Variants in ABR observed in about 807,000 individuals in gnomAD.
ABR encodes the protein ABR activator of RhoGEF and GTPase.
Under a neutral mutation model 107.2 loss-of-function variants are expected in ABR, and 35 were observed. The ratio of observed to expected loss-of-function variants is 0.33; its 90% CI spans 0.25 to 0.43. The LOEUF is 0.43. ABR is among the 20% of genes least tolerant of loss of function. ABR has a pLI of 1.00. For synonymous variants in ABR, 498 were observed against 462.0 expected (o/e 1.08, Z -1.00); for missense variants, 815 against 1,115.2 (o/e 0.73, Z 3.83).
upstream of ABR, among the ~76,000 whole-genome samples, chr17:1,181,153 C>A (rs1030119806): frequency 1.3e-5 from 2 of 152,228 alleles, no homozygotes; most frequent in Non-Finnish European, 2.9e-5. Flanking sequence ...GTGTGGTCGG[C>A]ACCCGCAGAA....
In ABR at chr17:1,179,351, A is replaced by G. The variant is rs2042035903; in HGVS notation, c.61+316T>C. ...GAGGCTCGCGGAGGCCGGGTTCACA[A>G]CAGGTGGGAGGGGGGACGCAGCTCT... On this transcript the variant is annotated intron_variant, in intron 1 of 22. Transcript: ENST00000302538. This position sits in a 1 kb window ranked among gnomAD's most constrained non-coding sequence, Gnocchi z 4.9. 6.6e-6 allele frequency among the ~76,000 whole-genome samples: 1 copy of G among 151,868 alleles called. No homozygotes were observed. The highest frequency in any genetic ancestry group is 1.5e-5 in the Non-Finnish European group (1 of 67,922).
At chr17:1,030,481 G>A (rs538222768) in intron 16 of ABR, among the ~76,000 whole-genome samples, 51 of 152,354 alleles carry the variant, frequency 3.3e-4, no homozygotes, top group African/African-American at 1.2e-3. Flanking sequence ...GCTGGGGCCA[G>A]CAGGGCTCTG....
chr17:1,210,747 ACAAACT>A lies in ABR; in HGVS notation c.838+18040_838+18045del, dbSNP rs1428817998. Among the ~76,000 whole-genome samples, 1 of 152,190 alleles carries A rather than the reference ACAAACT, an allele frequency of 6.6e-6. No homozygotes were observed. The highest frequency in any genetic ancestry group is 1.5e-5 in the Non-Finnish European group (1 of 68,040). On this transcript the variant is annotated intron_variant, in intron 1 of 22. Coordinates refer to the ABR transcript ENST00000574139. The surrounding 1 kb of genome is among the most constrained non-coding windows in gnomAD (Gnocchi z 5.6). ...ACTGGCAACTCCTATCTACTCACAC[ACAAACT>A]CAAAAGGGCTTTTTCCTCCATGCTT...
intron 1 of ABR, among the ~76,000 whole-genome samples, chr17:1,201,822 G>T (rs1389985395): frequency 6.6e-6 from 1 of 152,016 alleles, no homozygotes. Context: ...GACAACAGGC[G>T]CCCACCACCA....
intron 16 of ABR, among the ~76,000 whole-genome samples, chr17:1,015,605 C>T (rs964250517): frequency 2.0e-5 from 3 of 151,730 alleles, no homozygotes; most frequent in African/African-American, 7.3e-5. Flanking sequence ...TACAGACACA[C>T]ACAACCACAC....
intron 5 of ABR, among the ~76,000 whole-genome samples, chr17:1,081,737 C>T (rs549029975): frequency 2.0e-5 from 3 of 152,294 alleles, no homozygotes; most frequent in South Asian, 2.1e-4. Context: ...CCACCACGCC[C>T]GGCTAATTTT....
intron 16 of ABR, among the ~76,000 whole-genome samples, chr17:1,024,989 C>T (rs1282620956): frequency 4.7e-5 from 7 of 148,962 alleles, no homozygotes; most frequent in African/African-American, 7.4e-5. Context: ...GGCGAGGTGG[C>T]GGGCGCCTGT....
rs2042660180 is a variant in ABR at position 1,200,954 on chromosome 17, C to G, written c.838+27839G>C. ...CTTGGGGTTGGCCAGGGACACCCAC[C>G]TGCCTCAGGAGGGGCTGTGTTAATG... On this transcript the variant is annotated intron_variant, in intron 1 of 22. Coordinates refer to the ABR transcript ENST00000574139. This position sits in a 1 kb window ranked among gnomAD's most constrained non-coding sequence, Gnocchi z 4.1. Among the ~76,000 whole-genome samples, 1 of 152,194 alleles carries G rather than the reference C, an allele frequency of 6.6e-6. No homozygotes were observed. Among genetic ancestry groups the G allele is most frequent in the Non-Finnish European group, 1.5e-5 (1 of 68,040 alleles).
upstream of ABR, among the ~76,000 whole-genome samples, chr17:1,187,687 C>T (rs572835031): frequency 7.0e-4 from 107 of 151,830 alleles, no homozygotes; most frequent in African/African-American, 2.5e-3. Flanking sequence ...GTCAGGAGTT[C>T]GAGACCAGCC....
intron 1 of ABR, among the ~76,000 whole-genome samples, chr17:1,144,800 G>A (rs1038399192): frequency 1.9e-4 from 29 of 152,066 alleles, no homozygotes; most frequent in African/African-American, 6.5e-4. Context: ...AGGCCGGGGC[G>A]GGCAGATCAC....
intron 1 of ABR, among the ~76,000 whole-genome samples, chr17:1,220,240 A>G (rs965964624): frequency 6.6e-6 from 1 of 151,664 alleles, no homozygotes; most frequent in Non-Finnish European, 1.5e-5. Flanking sequence ...GCAGTGAACC[A>G]AGATCACACC....
rs1399785643 is a variant in ABR, at chr17:1,003,531, A to AAAT, written c.*2546_*2548dup. 6.5e-6 allele frequency: 1 copy of AAAT among 152,694 alleles called. No homozygotes were observed. Among genetic ancestry groups the AAAT allele is most frequent in the East Asian group, 1.9e-4 (1 of 5,200 alleles). The allele number at this position is 152,694 out of a possible 1,614,324, so 9.5% of individuals were successfully genotyped here. On this transcript the variant is annotated 3_prime_UTR_variant, in exon 23 of 23. Coordinates refer to ENST00000302538, the MANE Select transcript of ABR (RefSeq NM_021962.5). ...CACACCACAGGGCTGAGTTTTGTGC[A>AAAT]AATGATGGGGCTTTGCATTTTTTAT...
chr17:1,012,093 G>T lies in ABR; in HGVS notation c.1962-108C>A, dbSNP rs67186058. 1.2e-5 allele frequency: 18 copies of T among 1,557,558 alleles called. No individual in the cohort carries two copies. In the African/African-American group the frequency reaches 1.3e-4, roughly 12 times the overall value. On this transcript the variant is annotated intron_variant, in intron 18 of 22. Transcript: ENST00000302538. ...CTGGAGAGCTTCTAGCATTTGGGATGGAGAGCTGGGGCGGGGGCAGGGGCA... is the reference window on the plus strand; with the variant it reads ...CTGGAGAGCTTCTAGCATTTGGGATTGAGAGCTGGGGCGGGGGCAGGGGCA...
At position 1,150,370 on chromosome 17, in the gene ABR, CT is replaced by C. The variant is rs2040742223; in HGVS notation, c.62-25004del. On this transcript the variant is annotated intron_variant, in intron 1 of 22. Transcript: ENST00000302538. The surrounding 1 kb of genome is among the most constrained non-coding windows in gnomAD (Gnocchi z 4.8). ...GTGTTCCGGGTGTGCTGAGCACTTG[CT>C]GTGTGCTGGGAGTTGCGGTAGACAC... Among the ~76,000 whole-genome samples the C allele has an allele frequency of 6.6e-6, 1 of 152,186 alleles. No individual in the cohort carries two copies. The highest frequency in any genetic ancestry group is 6.5e-5 in the Admixed American group (1 of 15,276).
At position 1,004,999 on chromosome 17, in the gene ABR, G is replaced by T; in HGVS notation, c.*1081C>A. The T allele has an allele frequency of 2.5e-6, 1 of 399,034 alleles. No homozygotes were observed. Among genetic ancestry groups the T allele is most frequent in the Non-Finnish European group, 4.4e-6 (1 of 226,226 alleles). 24.7% of individuals were successfully genotyped at this position (399,034 alleles called of 1,614,324 possible). The stretch of plus-strand genomic sequence containing the variant: ...CTGGACACCTGCTTCGGCCACATCA[G>T]TCACCCTCCAGGAAGCCTGGCCCCT... On this transcript the variant is annotated 3_prime_UTR_variant, in exon 23 of 23. Transcript: ENST00000302538.
intron 16 of ABR, among the ~76,000 whole-genome samples, chr17:1,019,411 C>T (rs575914913): frequency 1.3e-5 from 2 of 152,374 alleles, no homozygotes; most frequent in South Asian, 2.1e-4. Flanking sequence ...CTTTCCTAAG[C>T]TGTAAGCCCC....
chr17:1,099,371 C>T (rs933382080), intron 3 of ABR, among the ~76,000 whole-genome samples: 3 of 152,296 alleles, frequency 2.0e-5, no homozygotes, highest in Middle Eastern at 3.4e-3. Context: ...CCACGGCGCC[C>T]GGCCTGCACC....
chr17:1,035,052 G>A (rs960070116), intron 16 of ABR, among the ~76,000 whole-genome samples: 1 of 151,900 alleles, frequency 6.6e-6, no homozygotes, highest in African/African-American at 2.4e-5. Flanking sequence ...CCCCTGAGAC[G>A]CTCATCTTTC....
chr17:1,153,976 C>CTCG, intron 1 of ABR: 1 of 165,600 alleles, frequency 6.0e-6, no homozygotes, highest in Non-Finnish European at 1.3e-5. Flanking sequence ...TGATGCAATT[C>CTCG]TCGGCAGCGA....
Sources: allele counts gnomAD v4.1 joint callset (sites outside exome capture counted in the v4.1 genomes callset), GRCh38; gene constraint gnomAD v4.1.1; non-coding constraint Gnocchi (gnomAD v3.1); transcripts MANE v1.5; gene names NCBI Gene and HGNC (gene_info 2026-07-23, HGNC 2026-07-21).